GALNTL6: variants seen among roughly 807,000 people sequenced by gnomAD.
GALNTL6 encodes polypeptide N-acetylgalactosaminyltransferase like 6, also known as polypeptide N-acetylgalactosaminyltransferase-like 6.
GALNTL6 carries 46 observed loss-of-function variants against 73.7 expected under a neutral mutation model. That is an observed-to-expected ratio of 0.62 (90% CI 0.49 to 0.80). The LOEUF (loss-of-function observed/expected upper bound fraction) is 0.80. Among genes scored for constraint, GALNTL6 ranks in the 30% least tolerant of loss-of-function variants. The pLI is 0.00. For missense variants in GALNTL6, 604 were observed against 755.0 expected, an observed-to-expected ratio of 0.80 and a Z score of 2.34; for synonymous variants, 259 against 263.7, an observed-to-expected ratio of 0.98 and a Z score of 0.17.
At chr4:172,931,638 T>C (rs1440268336) in intron 9 of GALNTL6, among the ~76,000 whole-genome samples, 1 of 152,082 alleles carries the variant, frequency 6.6e-6, no homozygotes, top group Admixed American at 6.6e-5. Flanking sequence ...TCCACCCACA[T>C]GGAGTGTAGC....
At chr4:172,627,943 A>AC (rs1739232370) in intron 5 of GALNTL6, among the ~76,000 whole-genome samples, 1 of 151,714 alleles carries the variant, frequency 6.6e-6, no homozygotes. Context: ...CCTTTCAAAA[A>AC]AAAAACTACT....
rs191006373 is a variant in GALNTL6, at chr4:172,630,864, T to C, written c.554-178497T>C. Among the ~76,000 whole-genome samples, 14 of 150,978 alleles carry C rather than the reference T, an allele frequency of 9.3e-5. No individual in the cohort carries two copies. The East Asian group carries it at 2.6e-3, about 28-fold the overall frequency. On this transcript the variant is annotated intron_variant, in intron 5 of 12. Transcript: ENST00000506823. The stretch of plus-strand genomic sequence containing the variant: ...AAAGCATATATGTTATATACATATA[T>C]ATATACTGCATAGAAAATATAACTG...
intron 2 of GALNTL6, among the ~76,000 whole-genome samples, chr4:172,093,287 T>C (rs879374389): frequency 1.3e-5 from 2 of 152,204 alleles, no homozygotes; most frequent in African/African-American, 2.4e-5. Context: ...TTTAATTCTT[T>C]TTCCCCCTAC....
At chr4:172,658,481 AG>A (rs1731201997) in intron 5 of GALNTL6, among the ~76,000 whole-genome samples, 1 of 151,436 alleles carries the variant, frequency 6.6e-6, no homozygotes, top group African/African-American at 2.4e-5. Flanking sequence ...AAAAAAAAAA[AG>A]AAAGAAAAAG....
At chr4:173,027,703 A>T (rs1016982478) in intron 12 of GALNTL6, among the ~76,000 whole-genome samples, 2 of 152,254 alleles carry the variant, frequency 1.3e-5, no homozygotes, top group Admixed American at 1.3e-4. Context: ...TAATCAGTGT[A>T]ATCAGGCAAG....
At chr4:171,837,582 T>C (rs1211081928) in intron 2 of GALNTL6, among the ~76,000 whole-genome samples, 2 of 147,230 alleles carry the variant, frequency 1.4e-5, no homozygotes, top group Non-Finnish European at 3.0e-5. Flanking sequence ...ATTAATATTA[T>C]AGATATTAAT....
At chr4:172,438,291 C>T (rs769383648) in intron 5 of GALNTL6, among the ~76,000 whole-genome samples, 5 of 152,076 alleles carry the variant, frequency 3.3e-5, no homozygotes, top group Non-Finnish European at 5.9e-5. Context: ...TATGGTCATG[C>T]TTTCAGTATA....
intron 5 of GALNTL6, among the ~76,000 whole-genome samples, chr4:172,604,984 A>T (rs1336880216): frequency 6.6e-6 from 1 of 152,214 alleles, no homozygotes; most frequent in Non-Finnish European, 1.5e-5. Flanking sequence ...CTCCTCAGGA[A>T]ACTCACTGAC....
chr4:172,022,427 T>C (rs1030010031), intron 2 of GALNTL6, among the ~76,000 whole-genome samples: 2 of 152,030 alleles, frequency 1.3e-5, no homozygotes, highest in Non-Finnish European at 2.9e-5. Context: ...AGTTAAGTTC[T>C]TGCATGACCA....
At chr4:172,182,662 A>AC (rs1394661291) in intron 2 of GALNTL6, among the ~76,000 whole-genome samples, 2 of 151,138 alleles carry the variant, frequency 1.3e-5, no homozygotes, top group Non-Finnish European at 2.9e-5. Flanking sequence ...TCTAGGGGGG[A>AC]GTAAAAATTA....
At chr4:172,779,584 C>A (rs1420186951) in intron 5 of GALNTL6, among the ~76,000 whole-genome samples, 1 of 152,142 alleles carries the variant, frequency 6.6e-6, no homozygotes, top group African/African-American at 2.4e-5. Flanking sequence ...GCTAAGCAAC[C>A]AACCAAGGGG....
intron 4 of GALNTL6, among the ~76,000 whole-genome samples, chr4:172,347,583 A>T (rs997917584): frequency 1.6e-4 from 24 of 152,250 alleles, no homozygotes; most frequent in Admixed American, 5.2e-4. Flanking sequence ...TATTTTCCAG[A>T]TCTGTGAATT....
At chr4:172,968,874 G>A (rs1750447843) in intron 10 of GALNTL6, among the ~76,000 whole-genome samples, 1 of 152,124 alleles carries the variant, frequency 6.6e-6, no homozygotes, top group South Asian at 2.1e-4. Context: ...ATTTATATAT[G>A]AGATTGTTCA....
chr4:172,234,454 C>T lies in GALNTL6; in HGVS notation c.247+4690C>T, dbSNP rs181276819. On this transcript the variant is annotated intron_variant, in intron 3 of 12. Transcript: ENST00000506823. ...ATTAACACAATACCAATACACTATGCACTTTAACAAATACACTTATGTTAC... is the reference window on the plus strand; with the variant it reads ...ATTAACACAATACCAATACACTATGTACTTTAACAAATACACTTATGTTAC... 2.6e-5 allele frequency among the ~76,000 whole-genome samples: 4 copies of T among 152,226 alleles called. No homozygotes were observed. The East Asian group carries it at 7.7e-4, about 29-fold the overall frequency.
intron 8 of GALNTL6, among the ~76,000 whole-genome samples, chr4:172,898,153 C>G (rs1746427250): frequency 6.6e-6 from 1 of 152,012 alleles, no homozygotes. Context: ...ATTGCAATAA[C>G]AGAAGAGGAA....
At chr4:172,011,857 A>C (rs1167794873) in intron 2 of GALNTL6, among the ~76,000 whole-genome samples, 2 of 152,142 alleles carry the variant, frequency 1.3e-5, no homozygotes, top group African/African-American at 4.8e-5. Context: ...GAAAGTATCA[A>C]GAATAGAGAT....
chr4:171,844,624 A>G (rs1375627807), intron 2 of GALNTL6, among the ~76,000 whole-genome samples: 1 of 152,202 alleles, frequency 6.6e-6, no homozygotes, highest in Non-Finnish European at 1.5e-5. Context: ...AACAGCAGAT[A>G]TGACCAGAGC....
At chr4:172,621,246 G>A (rs1421938779) in intron 5 of GALNTL6, among the ~76,000 whole-genome samples, 1 of 152,100 alleles carries the variant, frequency 6.6e-6, no homozygotes, top group Non-Finnish European at 1.5e-5. Flanking sequence ...GTAAACATGG[G>A]ATCTTGCTAT....
chr4:172,287,524 A>C (rs74368329), intron 3 of GALNTL6, among the ~76,000 whole-genome samples: 3,193 of 152,306 alleles, frequency 0.021, 102 homozygotes, highest in African/African-American at 0.07. Flanking sequence ...TGTCATTTCT[A>C]TGAGGATGTC....
Sources: allele counts gnomAD v4.1 joint callset (sites outside exome capture counted in the v4.1 genomes callset), GRCh38; gene constraint gnomAD v4.1.1; transcripts MANE v1.5; gene names NCBI Gene and HGNC (gene_info 2026-07-23, HGNC 2026-07-21).